Variants in BAZ2B observed in about 807,000 individuals in gnomAD.
BAZ2B encodes the protein bromodomain adjacent to zinc finger domain 2B.
Under a neutral mutation model 246.0 loss-of-function variants are expected in BAZ2B, and 91 were observed. The ratio of observed to expected loss-of-function variants is 0.37; its 90% CI spans 0.31 to 0.44. The LOEUF (loss-of-function observed/expected upper bound fraction) is 0.44, where lower values mean the gene tolerates loss of function less well. Ranked by LOEUF, BAZ2B falls within the 20% of genes least tolerant of loss-of-function variation. BAZ2B has a pLI of 1.00. For missense variants in BAZ2B, 2,332 were observed against 2,533.7 expected (o/e 0.92, Z 1.71); for synonymous variants, 855 against 860.0 (o/e 0.99, Z 0.10).
At chr2:159,662,447 A>G in the BAZ2B span, among the ~76,000 whole-genome samples, 1 of 152,144 alleles carries the variant, frequency 6.6e-6, no homozygotes, top group African/African-American at 2.4e-5. Context: ...ACCACTTTAC[A>G]TACCTGCCAG....
intron 14 of BAZ2B, among the ~76,000 whole-genome samples, chr2:159,410,979 T>C (rs968351142): frequency 2.0e-5 from 3 of 152,250 alleles, no homozygotes; most frequent in Admixed American, 1.3e-4. Context: ...TGTGTACATA[T>C]TTCTGGAAAG....
chr2:159,493,000 C>G (rs2080670487), intron 2 of BAZ2B, among the ~76,000 whole-genome samples: 1 of 152,122 alleles, frequency 6.6e-6, no homozygotes, highest in East Asian at 1.9e-4. Context: ...TTCTTTTGAT[C>G]CTCAAAATAC....
At chr2:159,376,958 A>T (rs1425461067) in intron 25 of BAZ2B, among the ~76,000 whole-genome samples, 1 of 152,204 alleles carries the variant, frequency 6.6e-6, no homozygotes, top group Non-Finnish European at 1.5e-5. Flanking sequence ...CAGCATCATT[A>T]TATGTCCCTA....
the BAZ2B span, among the ~76,000 whole-genome samples, chr2:159,638,257 A>G: frequency 1.3e-5 from 2 of 152,244 alleles, no homozygotes; most frequent in African/African-American, 4.8e-5. Flanking sequence ...ATACCTAGAA[A>G]GACTTCTCAA....
chr2:159,638,589 T>C, the BAZ2B span, among the ~76,000 whole-genome samples: 1 of 152,026 alleles, frequency 6.6e-6, no homozygotes, highest in Non-Finnish European at 1.5e-5. Flanking sequence ...ATTCTAGAGT[T>C]GAAAATGCAA....
chr2:159,383,673 C>T lies in BAZ2B; in HGVS notation c.3694G>A (p.Asp1232Asn). Residue 1232 changes from aspartate to asparagine, a missense_variant, in exon 24 of 37, where the codon GAC (aspartate) becomes AAC (asparagine). Around this residue, in one of 9 missense-constraint regions of BAZ2B, gnomAD observed 328 missense variants for 410.4 expected, o/e 0.80. Transcript: ENST00000392783. Reference sequence around the variant, plus strand: ...TTTGACATATAATCAATGTTCTTGTCGATTTCACTGCCAATGCAAGAATTT... The same window carrying T: ...TTTGACATATAATCAATGTTCTTGTTGATTTCACTGCCAATGCAAGAATTT... The part of the protein sequence containing the change: ...ACSKSVVSEI[D>N]KNIDYMSNLR... 1.9e-6 allele frequency: 3 copies of T among 1,610,024 alleles called. No homozygotes were observed. The highest frequency in any genetic ancestry group is 2.5e-6 in the Non-Finnish European group (3 of 1,178,026).
the BAZ2B span, among the ~76,000 whole-genome samples, chr2:159,645,969 T>A: frequency 3.3e-5 from 5 of 152,148 alleles, no homozygotes; most frequent in Admixed American, 2.0e-4. Flanking sequence ...AAATTGCTAA[T>A]GAAGTTTCGG....
At chr2:159,410,369 T>C (rs965446690) in intron 14 of BAZ2B, among the ~76,000 whole-genome samples, 2 of 152,222 alleles carry the variant, frequency 1.3e-5, no homozygotes, top group African/African-American at 4.8e-5. Context: ...AATCCCCACG[T>C]GTCAAAGGAG....
intron 4 of BAZ2B, among the ~76,000 whole-genome samples, chr2:159,452,585 C>T (rs1316752088): frequency 6.6e-6 from 1 of 152,174 alleles, no homozygotes; most frequent in Non-Finnish European, 1.5e-5. Context: ...TACACTAAAA[C>T]ATGCAGACCT....
At chr2:159,412,861 A>T (rs2067043028) in intron 13 of BAZ2B, among the ~76,000 whole-genome samples, 1 of 152,216 alleles carries the variant, frequency 6.6e-6, no homozygotes, top group Admixed American at 6.5e-5. Flanking sequence ...GCAGATATTT[A>T]AAAATGTTAG....
chr2:159,416,724 A>T (rs1432036993), intron 13 of BAZ2B, among the ~76,000 whole-genome samples: 10 of 152,362 alleles, frequency 6.6e-5, no homozygotes, highest in Admixed American at 5.9e-4. Context: ...AGACAAATAT[A>T]GTGACCATAT....
At chr2:159,515,062 C>G (rs2083293150) in intron 2 of BAZ2B, among the ~76,000 whole-genome samples, 1 of 151,914 alleles carries the variant, frequency 6.6e-6, no homozygotes, top group African/African-American at 2.4e-5. Flanking sequence ...CATTTTTTAA[C>G]ATTCCTAGAT....
intron 2 of BAZ2B, among the ~76,000 whole-genome samples, chr2:159,495,401 C>T (rs1259965570): frequency 1.5e-5 from 2 of 133,026 alleles, no homozygotes; most frequent in Non-Finnish European, 3.1e-5. Context: ...AGGAGAATGG[C>T]GTGAACCCGG....
chr2:159,566,301 G>A (rs1287800247), intron 1 of BAZ2B, among the ~76,000 whole-genome samples: 6 of 152,116 alleles, frequency 3.9e-5, no homozygotes, highest in African/African-American at 4.8e-5. Context: ...GTGACCCACC[G>A]CGCCTGGCAA....
At chr2:159,683,788 T>A in the BAZ2B span, among the ~76,000 whole-genome samples, 1 of 152,226 alleles carries the variant, frequency 6.6e-6, no homozygotes, top group East Asian at 1.9e-4. Context: ...CTACTAACTC[T>A]TTTTTCTCTT....
chr2:159,571,617 C>T (rs1013650830), intron 1 of BAZ2B, among the ~76,000 whole-genome samples: 1 of 152,134 alleles, frequency 6.6e-6, no homozygotes, highest in Non-Finnish European at 1.5e-5. Flanking sequence ...AGTTCAATTG[C>T]TAATGGCCAA....
the BAZ2B span, among the ~76,000 whole-genome samples, chr2:159,691,662 T>A: frequency 6.6e-6 from 1 of 152,220 alleles, no homozygotes; most frequent in Non-Finnish European, 1.5e-5. Context: ...TCACTGCTTC[T>A]TGGTAGCAAC....
At chr2:159,706,807 T>C in the BAZ2B span, among the ~76,000 whole-genome samples, 7 of 152,244 alleles carry the variant, frequency 4.6e-5, no homozygotes, top group African/African-American at 1.7e-4. Flanking sequence ...GTAGCACTAA[T>C]CTGGGCTGCT....
intron 33 of BAZ2B, 68 bp from the exon 34 acceptor site, chr2:159,332,754 C>T (rs973624344): frequency 6.5e-7 from 1 of 1,529,652 alleles, no homozygotes; most frequent in African/African-American, 1.4e-5. Flanking sequence ...GGATGTTAAA[C>T]ACACCATAAT....
Sources: gnomAD v4.1 joint callset for allele counts (sites outside exome capture counted in the v4.1 genomes callset) on GRCh38, gnomAD v4.1.1 for gene constraint, gnomAD v4.1.1 regional missense constraint, MANE v1.5 for transcripts, NCBI Gene and HGNC (gene_info 2026-07-23, HGNC 2026-07-21) for gene names.